The following WDR70 variants were observed in gnomAD, a reference collection of about 807,000 sequenced individuals.
WDR70 encodes the protein WD repeat-containing protein 70.
In WDR70, 53 loss-of-function variants were observed where a neutral mutation model predicts 88.6. That is an observed-to-expected ratio of 0.60 (90% CI 0.48 to 0.75). The LOEUF is 0.75. Ranked by LOEUF, WDR70 falls within the 30% of genes least tolerant of loss-of-function variation. The pLI is 0.00. For missense variants in WDR70, 610 were observed against 823.2 expected, an observed-to-expected ratio of 0.74 and a Z score of 3.17; for synonymous variants, 280 against 270.0, an observed-to-expected ratio of 1.04 and a Z score of -0.36.
intron 9 of WDR70, among the ~76,000 whole-genome samples, chr5:37,552,862 G>T (rs80164929): frequency 0.012 from 1,822 of 152,288 alleles, 38 homozygotes; most frequent in African/African-American, 0.041. Flanking sequence ...ATAATGCTAA[G>T]TTACAGCAAT....
At chr5:37,663,147 G>A (rs72740990) in intron 10 of WDR70, among the ~76,000 whole-genome samples, 7,195 of 152,136 alleles carry the variant, frequency 0.047, 203 homozygotes, top group Middle Eastern at 0.13. Context: ...GTTATTATGA[G>A]GGCACTTTCT....
intron 9 of WDR70, among the ~76,000 whole-genome samples, chr5:37,532,455 A>T (rs1475746816): frequency 1.3e-5 from 2 of 152,202 alleles, no homozygotes; most frequent in East Asian, 3.9e-4. Context: ...GTTCATTTTT[A>T]AAAATTCTTT....
chr5:37,434,118 G>A (rs774253289), intron 5 of WDR70, among the ~76,000 whole-genome samples: 20 of 152,158 alleles, frequency 1.3e-4, no homozygotes, highest in Non-Finnish European at 1.8e-4. Flanking sequence ...ACGGCAGAAG[G>A]CAAAGGAGAA....
At chr5:37,750,210 G>A (rs1561105156) in intron 17 of WDR70, among the ~76,000 whole-genome samples, 1 of 151,978 alleles carries the variant, frequency 6.6e-6, no homozygotes, top group Non-Finnish European at 1.5e-5. Flanking sequence ...AACCTCCTAC[G>A]GATACTTTTG....
chr5:37,734,594 AG>A (rs1327305967), intron 17 of WDR70, among the ~76,000 whole-genome samples: 2 of 152,094 alleles, frequency 1.3e-5, no homozygotes, highest in Non-Finnish European at 2.9e-5. Flanking sequence ...AAAAGATAAA[AG>A]GGGGACATAG....
intron 13 of WDR70, among the ~76,000 whole-genome samples, chr5:37,714,674 G>A (rs1747608805): frequency 6.6e-6 from 1 of 152,116 alleles, no homozygotes. Flanking sequence ...GGGGTCATTT[G>A]CCTTGCAGGA....
At chr5:37,502,856 C>A (rs1478755762) in intron 8 of WDR70, among the ~76,000 whole-genome samples, 2 of 152,168 alleles carry the variant, frequency 1.3e-5, no homozygotes, top group Non-Finnish European at 2.9e-5. Context: ...ATGACCAGAT[C>A]TTGTGAGAAC....
In WDR70 at chr5:37,533,954, A is replaced by G. The variant is rs112264269; in HGVS notation, c.917+17364A>G. ...CGTGAACCTCCCTGTTGAGAAAGCA[A>G]GCAGACTTACAGTTTTTCGGTGACT... On this transcript the variant is annotated intron_variant, in intron 9 of 17. Coordinates refer to ENST00000265107, the MANE Select transcript of WDR70 (RefSeq NM_018034.4). Among the ~76,000 whole-genome samples, 1,123 of 152,248 alleles carry G rather than the reference A, an allele frequency of 7.4e-3. 17 individuals carry two copies. Among genetic ancestry groups the G allele is most frequent in the African/African-American group, 0.025 (1,057 of 41,520 alleles).
At chr5:37,389,250 G>A (rs769141590) in intron 3 of WDR70, among the ~76,000 whole-genome samples, 1 of 149,280 alleles carries the variant, frequency 6.7e-6, no homozygotes, top group Non-Finnish European at 1.5e-5. Flanking sequence ...ACACCGCCAC[G>A]CCTGGCTAAT....
chr5:37,469,165 G>A (rs1485468566), intron 7 of WDR70, among the ~76,000 whole-genome samples: 3 of 152,084 alleles, frequency 2.0e-5, no homozygotes, highest in Non-Finnish European at 1.5e-5. Context: ...GTTTATACTC[G>A]TGGTGGTTTC....
chr5:37,623,936 T>C (rs138519552), intron 10 of WDR70, among the ~76,000 whole-genome samples: 1 of 152,306 alleles, frequency 6.6e-6, no homozygotes, highest in East Asian at 1.9e-4. Flanking sequence ...TAGTGACGAA[T>C]TGATCCTTTC....
intron 9 of WDR70, among the ~76,000 whole-genome samples, chr5:37,537,387 TGATGAATAGTA>T (rs1214208948): frequency 1.3e-5 from 2 of 152,238 alleles, no homozygotes; most frequent in East Asian, 1.9e-4. Context: ...AAATATAATC[TGATGAATAGTA>T]GTTTGATTAA....
rs955531032 is a variant in WDR70, at chr5:37,432,419, C to T, written c.493-5503C>T. Among the ~76,000 whole-genome samples the T allele has an allele frequency of 7.2e-5, 11 of 152,276 alleles. No homozygotes were observed. In the South Asian group the frequency reaches 1.0e-3, roughly 14 times the overall value. On this transcript the variant is annotated intron_variant, in intron 5 of 17. Coordinates refer to ENST00000265107, the MANE Select transcript of WDR70 (RefSeq NM_018034.4). The stretch of plus-strand genomic sequence containing the variant: ...TATTTTTATCTTTGAGACGTAGTCT[C>T]GCTCTGTGGCCCAGGCTGGAGTGCA...
Position 37,478,283 on chromosome 5 carries a change from C to G in WDR70, c.687-1551C>G, listed in dbSNP as rs75224133. On this transcript the variant is annotated intron_variant, in intron 7 of 17. Coordinates refer to ENST00000265107, the MANE Select transcript of WDR70 (RefSeq NM_018034.4). ...ACAAATGCCTGAAATATTGCACCTGCCATGGCTTCTCTTTCACCAACAAAA... is the reference window on the plus strand; with the variant it reads ...ACAAATGCCTGAAATATTGCACCTGGCATGGCTTCTCTTTCACCAACAAAA... 5.0e-3 allele frequency among the ~76,000 whole-genome samples: 754 copies of G among 152,298 alleles called. 11 individuals carry two copies. Among genetic ancestry groups the G allele is most frequent in the African/African-American group, 0.017 (719 of 41,570 alleles).
chr5:37,450,587 C>T (rs1738645181), intron 7 of WDR70, among the ~76,000 whole-genome samples: 1 of 152,190 alleles, frequency 6.6e-6, no homozygotes, highest in Non-Finnish European at 1.5e-5. Context: ...TTTACTTATT[C>T]AGCCTCAGTA....
intron 10 of WDR70, among the ~76,000 whole-genome samples, chr5:37,633,787 CATA>C (rs1744883851): frequency 3.6e-5 from 1 of 27,924 alleles, no homozygotes; most frequent in African/African-American, 1.6e-4. Flanking sequence ...AAACAAGATA[CATA>C]CAGTAAGCCA....
chr5:37,669,658 C>T (rs1328281614), intron 10 of WDR70, among the ~76,000 whole-genome samples: 1 of 152,002 alleles, frequency 6.6e-6, no homozygotes, highest in African/African-American at 2.4e-5. Flanking sequence ...AAGAGATTTA[C>T]TGGGGAGTAC....
At chr5:37,447,566 A>C (rs1447575343) in intron 7 of WDR70, among the ~76,000 whole-genome samples, 1 of 152,256 alleles carries the variant, frequency 6.6e-6, no homozygotes. Context: ...GACTGGATTA[A>C]GAAAATGTTG....
chr5:37,519,226 C>A (rs538184241), intron 9 of WDR70, among the ~76,000 whole-genome samples: 1 of 152,276 alleles, frequency 6.6e-6, no homozygotes, highest in South Asian at 2.1e-4. Context: ...GGTACACCTC[C>A]CAGATGGGGC....
Sources: allele counts gnomAD v4.1 joint callset (sites outside exome capture counted in the v4.1 genomes callset), GRCh38; gene constraint gnomAD v4.1.1; transcripts MANE v1.5; gene names NCBI Gene and HGNC (gene_info 2026-07-23, HGNC 2026-07-21).